Variants in MAGI2 observed in about 807,000 individuals in gnomAD.
MAGI2 encodes the protein membrane associated guanylate kinase, WW and PDZ domain containing 2.
In MAGI2, 35 loss-of-function variants were observed where a neutral mutation model predicts 133.3. The ratio of observed to expected loss-of-function variants is 0.26; its 90% CI spans 0.20 to 0.35. The LOEUF (loss-of-function observed/expected upper bound fraction) is 0.35, where lower values mean the gene tolerates loss of function less well. Among genes scored for constraint, MAGI2 ranks in the 10% least tolerant of loss-of-function variants. The probability of loss-of-function intolerance (pLI) is 1.00; values close to 1 mark genes in which losing one functional copy is unlikely to be tolerated. For missense variants in MAGI2, 1,636 were observed against 1,863.4 expected (o/e 0.88, Z 2.25); for synonymous variants, 729 against 710.6 (o/e 1.03, Z -0.41).
chr7:79,253,170 G>C (rs964749564), intron 1 of MAGI2, among the ~76,000 whole-genome samples: 1 of 152,048 alleles, frequency 6.6e-6, no homozygotes, highest in Non-Finnish European at 1.5e-5. Flanking sequence ...TATTATATGA[G>C]CTTTATTATT....
chr7:78,613,862 A>G (rs1806753486), intron 3 of MAGI2, among the ~76,000 whole-genome samples: 1 of 151,950 alleles, frequency 6.6e-6, no homozygotes, highest in Admixed American at 6.6e-5. Context: ...TAATCCCGGC[A>G]CTTTGGGAGG....
intron 2 of MAGI2, among the ~76,000 whole-genome samples, chr7:78,766,877 G>C (rs947763509): frequency 1.1e-4 from 17 of 152,218 alleles, no homozygotes; most frequent in South Asian, 4.1e-4. Context: ...CCGTCCTACT[G>C]TTGACTTTGT....
intron 10 of MAGI2, chr7:78,254,780 T>G (rs1792789961): frequency 6.6e-6 from 1 of 152,244 alleles, no homozygotes; most frequent in African/African-American, 2.4e-5. Context: ...TTTTGAGTGC[T>G]TTGAATAGGC....
At chr7:79,242,238 C>T (rs545159283) in intron 1 of MAGI2, among the ~76,000 whole-genome samples, 24 of 152,116 alleles carry the variant, frequency 1.6e-4, no homozygotes, top group Admixed American at 4.6e-4. Flanking sequence ...CTTGATTTAG[C>T]CAGCCCACAA....
intron 2 of MAGI2, among the ~76,000 whole-genome samples, chr7:78,789,499 G>C (rs909146963): frequency 6.6e-6 from 1 of 151,910 alleles, no homozygotes; most frequent in East Asian, 1.9e-4. Flanking sequence ...TAGGACTAAA[G>C]AGTAATTCTT....
chr7:79,228,748 T>C (rs1831096785), intron 1 of MAGI2, among the ~76,000 whole-genome samples: 1 of 152,318 alleles, frequency 6.6e-6, no homozygotes, highest in East Asian at 1.9e-4. Flanking sequence ...AGAGAGTTAG[T>C]TGGTCACCCA....
chr7:78,943,866 T>C (rs571512705), intron 2 of MAGI2, among the ~76,000 whole-genome samples: 1 of 152,312 alleles, frequency 6.6e-6, no homozygotes, highest in African/African-American at 2.4e-5. Context: ...ATTCAACAAA[T>C]ATTAACTTGT....
intron 2 of MAGI2, among the ~76,000 whole-genome samples, chr7:78,858,212 T>G (rs558199408): frequency 6.6e-6 from 1 of 152,208 alleles, no homozygotes; most frequent in African/African-American, 2.4e-5. Flanking sequence ...GCTCCTGGAT[T>G]CATTGATCTT....
intron 6 of MAGI2, chr7:78,485,126 C>T (rs1429647471): frequency 3.3e-5 from 5 of 151,934 alleles, no homozygotes; most frequent in African/African-American, 4.8e-5. Flanking sequence ...CCCATATTAC[C>T]GACTCTGAGA....
intron 21 of MAGI2, among the ~76,000 whole-genome samples, chr7:78,051,331 A>G (rs928372494): frequency 5.3e-5 from 8 of 152,228 alleles, no homozygotes; most frequent in African/African-American, 1.7e-4. Context: ...GAGGTTGTAC[A>G]CAGCCCTCTG....
intron 1 of MAGI2, among the ~76,000 whole-genome samples, chr7:79,358,740 A>G (rs1237416216): frequency 6.6e-6 from 1 of 151,998 alleles, no homozygotes; most frequent in East Asian, 1.9e-4. Context: ...AACACCTTTT[A>G]CTCCCTCTGG....
chr7:78,306,890 A>C (rs1798281678), intron 9 of MAGI2, among the ~76,000 whole-genome samples: 1 of 152,174 alleles, frequency 6.6e-6, no homozygotes, highest in African/African-American at 2.4e-5. Flanking sequence ...GAATACTTTG[A>C]TCAAAGAGTT....
chr7:79,325,303 G>T (rs1486210279), intron 1 of MAGI2, among the ~76,000 whole-genome samples: 1 of 152,010 alleles, frequency 6.6e-6, no homozygotes, highest in Non-Finnish European at 1.5e-5. Context: ...CCCTCCCTTT[G>T]CTCATGCTCG....
At chr7:79,286,369 G>C (rs939969607) in intron 1 of MAGI2, among the ~76,000 whole-genome samples, 3 of 152,032 alleles carry the variant, frequency 2.0e-5, no homozygotes, top group African/African-American at 7.2e-5. Context: ...GGTTCAGAGA[G>C]ACTTGACAAA....
chr7:78,946,548 T>C (rs1801433364), intron 2 of MAGI2, among the ~76,000 whole-genome samples: 1 of 152,196 alleles, frequency 6.6e-6, no homozygotes, highest in Non-Finnish European at 1.5e-5. Context: ...AAATTGAATG[T>C]TTCTAAGTGT....
chr7:78,338,841 A>T (rs948247023), intron 9 of MAGI2, among the ~76,000 whole-genome samples: 1 of 152,180 alleles, frequency 6.6e-6, no homozygotes, highest in Non-Finnish European at 1.5e-5. Context: ...AATATACTTT[A>T]AAAAATTTCT....
At chr7:79,214,407 C>CTCTCTCTCTA (rs1554406633) in intron 1 of MAGI2, among the ~76,000 whole-genome samples, 9 of 17,714 alleles carry the variant, frequency 5.1e-4, no homozygotes, top group East Asian at 1.8e-3. Context: ...CTCTCTCTCT[C>CTCTCTCTCTA]TATATATATA....
At position 79,216,434 on chromosome 7, in the gene MAGI2, T is replaced by C. The variant is rs553008934; in HGVS notation, c.302-209228A>G. Among the ~76,000 whole-genome samples the C allele has an allele frequency of 2.6e-4, 40 of 152,034 alleles. 1 individual carries two copies. The highest frequency in any genetic ancestry group is 9.7e-4 in the African/African-American group (40 of 41,388). On this transcript the variant is annotated intron_variant, in intron 1 of 21. Coordinates refer to ENST00000354212, the MANE Select transcript of MAGI2 (RefSeq NM_012301.4). ...AGCTGTCACACTGGCCCTCTGCCCT[T>C]GTGAAAAGGCAGAGGGCCCACTGAG... is the stretch of plus-strand genomic sequence containing the variant.
intron 1 of MAGI2, among the ~76,000 whole-genome samples, chr7:79,167,343 C>G (rs1337211035): frequency 3.6e-5 from 5 of 138,704 alleles, no homozygotes. Context: ...CAGCTGAAAA[C>G]AGTCACCTTT....
Sources: allele counts gnomAD v4.1 joint callset (sites outside exome capture counted in the v4.1 genomes callset), GRCh38; gene constraint gnomAD v4.1.1; transcripts MANE v1.5; gene names NCBI Gene and HGNC (gene_info 2026-07-23, HGNC 2026-07-21).